The following INPP4A variants were observed in gnomAD, a reference collection of about 807,000 sequenced individuals.
The protein encoded by INPP4A is inositol polyphosphate-4-phosphatase, type I, 107kD.
A neutral mutation model predicts 119.8 loss-of-function variants in INPP4A; 33 were observed. The ratio of observed to expected loss-of-function variants is 0.28; its 90% CI spans 0.21 to 0.37. The LOEUF (loss-of-function observed/expected upper bound fraction) is 0.37. INPP4A is among the 10% of genes least tolerant of loss of function. The probability of loss-of-function intolerance (pLI) is 1.00; values close to 1 mark genes in which losing one functional copy is unlikely to be tolerated. For synonymous variants in INPP4A, 496 were observed against 500.7 expected, an observed-to-expected ratio of 0.99 and a Z score of 0.12; for missense variants, 956 against 1,289.9, an observed-to-expected ratio of 0.74 and a Z score of 3.97.
chr2:98,575,880 C>T (rs991421403), intron 23 of INPP4A, among the ~76,000 whole-genome samples: 1 of 152,334 alleles, frequency 6.6e-6, no homozygotes. Flanking sequence ...AGTCCTTTAT[C>T]TGAAGCCCCT....
chr2:98,464,690 C>G (rs377409618), intron 1 of INPP4A, among the ~76,000 whole-genome samples: 1 of 152,212 alleles, frequency 6.6e-6, no homozygotes, highest in African/African-American at 2.4e-5. Flanking sequence ...TAAGATGGCC[C>G]TGATCACAGC....
At chr2:98,517,497 C>T (rs1464017098) in intron 1 of INPP4A, among the ~76,000 whole-genome samples, 1 of 152,174 alleles carries the variant, frequency 6.6e-6, no homozygotes, top group East Asian at 1.9e-4. Context: ...ACTCCACGTC[C>T]TCATCAACAC....
intron 1 of INPP4A, among the ~76,000 whole-genome samples, chr2:98,474,498 C>T (rs552401450): frequency 6.6e-6 from 1 of 152,328 alleles, no homozygotes; most frequent in Non-Finnish European, 1.5e-5. Flanking sequence ...ACCACATGGC[C>T]GCTCACCCCA....
chr2:98,522,669 C>G (rs1434649151), intron 4 of INPP4A, among the ~76,000 whole-genome samples: 2 of 151,672 alleles, frequency 1.3e-5, no homozygotes, highest in Non-Finnish European at 2.9e-5. Context: ...AAATGTCTAC[C>G]AAGGCCCAGC....
chr2:98,510,349 G>A (rs960871436), intron 1 of INPP4A, among the ~76,000 whole-genome samples: 2 of 152,162 alleles, frequency 1.3e-5, no homozygotes, highest in Non-Finnish European at 2.9e-5. Context: ...AGGCTGGAAC[G>A]GTCTGGGCTT....
intron 1 of INPP4A, among the ~76,000 whole-genome samples, chr2:98,457,393 TC>T (rs755847349): frequency 3.9e-5 from 6 of 152,284 alleles, no homozygotes; most frequent in Non-Finnish European, 5.9e-5. Context: ...CCAGCCTGTC[TC>T]AAACAAACAA....
At chr2:98,478,770 C>G (rs760627837) in intron 1 of INPP4A, among the ~76,000 whole-genome samples, 2 of 152,162 alleles carry the variant, frequency 1.3e-5, no homozygotes, top group Non-Finnish European at 2.9e-5. Flanking sequence ...CTATTCTGTC[C>G]TGACTTACTC....
chr2:98,451,639 G>A (rs1041485609), intron 1 of INPP4A, among the ~76,000 whole-genome samples: 1 of 152,062 alleles, frequency 6.6e-6, no homozygotes, highest in Non-Finnish European at 1.5e-5. Context: ...TAGCCCTCAC[G>A]CAGGTGGTGT....
intron 1 of INPP4A, among the ~76,000 whole-genome samples, chr2:98,458,535 A>G (rs1361010148): frequency 1.3e-5 from 2 of 151,820 alleles, no homozygotes; most frequent in Admixed American, 6.6e-5. Context: ...AAACATTCAG[A>G]TTTTTTTTCC....
intron 1 of INPP4A, among the ~76,000 whole-genome samples, chr2:98,464,034 A>T (rs1208704786): frequency 2.0e-5 from 3 of 152,188 alleles, no homozygotes; most frequent in Non-Finnish European, 4.4e-5. Flanking sequence ...GGGCCTGCAG[A>T]TGGCTGTTTT....
chr2:98,462,786 G>A (rs1673858203), intron 1 of INPP4A, among the ~76,000 whole-genome samples: 1 of 152,068 alleles, frequency 6.6e-6, no homozygotes, highest in Non-Finnish European at 1.5e-5. Context: ...TTTTCAAAGT[G>A]CTGGGATTAC....
At chr2:98,557,128 A>C (rs1305249516) in intron 16 of INPP4A, among the ~76,000 whole-genome samples, 1 of 152,084 alleles carries the variant, frequency 6.6e-6, no homozygotes, top group Non-Finnish European at 1.5e-5. Flanking sequence ...TCCCTAACTT[A>C]AGTGTCATTT....
chr2:98,446,516 C>T (rs535928479), intron 1 of INPP4A, among the ~76,000 whole-genome samples: 2 of 151,868 alleles, frequency 1.3e-5, no homozygotes, highest in African/African-American at 4.8e-5. Flanking sequence ...TGCCTCATTC[C>T]CTGTGATGTC....
At chr2:98,473,174 T>G (rs1574593862) in intron 1 of INPP4A, among the ~76,000 whole-genome samples, 1 of 135,622 alleles carries the variant, frequency 7.4e-6, no homozygotes, top group Non-Finnish European at 1.6e-5. Context: ...CAGTGGAGAG[T>G]GAGGAGGGCA....
At chr2:98,515,525 G>A (rs778006623) in intron 1 of INPP4A, among the ~76,000 whole-genome samples, 1 of 152,100 alleles carries the variant, frequency 6.6e-6, no homozygotes, top group Non-Finnish European at 1.5e-5. Flanking sequence ...GGTTGATAAC[G>A]ATAGTTCATA....
chr2:98,466,625 G>T (rs567944272), intron 1 of INPP4A, among the ~76,000 whole-genome samples: 136 of 152,334 alleles, frequency 8.9e-4, no homozygotes, highest in African/African-American at 3.2e-3. Context: ...AGGTTTCAGA[G>T]GTCTTTCTGT....
At chr2:98,476,556 C>T (rs1331759504) in intron 1 of INPP4A, among the ~76,000 whole-genome samples, 2 of 152,144 alleles carry the variant, frequency 1.3e-5, no homozygotes, top group Admixed American at 1.3e-4. Context: ...GGACCCAGCC[C>T]TGGGGTGTGT....
chr2:98,501,211 G>A (rs925193883), intron 1 of INPP4A, among the ~76,000 whole-genome samples: 1 of 152,166 alleles, frequency 6.6e-6, no homozygotes, highest in African/African-American at 2.4e-5. Context: ...CAGCTGCTCG[G>A]GAGGCTGAGG....
chr2:98,504,129 A>G (rs945700400), intron 1 of INPP4A, among the ~76,000 whole-genome samples: 13 of 152,240 alleles, frequency 8.5e-5, no homozygotes, highest in Non-Finnish European at 1.2e-4. Flanking sequence ...GAAGAGGCCC[A>G]TGGAGGACTG....
Sources: gnomAD v4.1 joint callset for allele counts (sites outside exome capture counted in the v4.1 genomes callset) on GRCh38, gnomAD v4.1.1 for gene constraint, MANE v1.5 for transcripts, NCBI Gene and HGNC (gene_info 2026-07-23, HGNC 2026-07-21) for gene names.